LINC00632: variants seen among roughly 807,000 people sequenced by gnomAD.
The protein encoded by LINC00632 is ALDOA related specific transcript.
intron 2 of LINC00632, among the ~76,000 whole-genome samples, chrX:140,728,252 A>AG (rs1569349727): frequency 1.8e-5 from 2 of 109,810 alleles, no homozygotes; most frequent in Non-Finnish European, 3.8e-5. Context: ...AAAAAAAAAA[A>AG]AAAGAAAGAA....
chrX:140,717,364 T>C (rs1264434582), intron 2 of LINC00632, among the ~76,000 whole-genome samples: 1 of 110,435 alleles, frequency 9.1e-6, no homozygotes, highest in Non-Finnish European at 1.9e-5. Context: ...AAATCTGACT[T>C]ACCGAACACT....
intron 3 of LINC00632, among the ~76,000 whole-genome samples, chrX:140,759,578 C>T (rs1221921018): frequency 9.1e-6 from 1 of 109,522 alleles, no homozygotes; most frequent in Non-Finnish European, 1.9e-5. Flanking sequence ...CCAGGCTGGT[C>T]TCAAACTCCT....
At chrX:140,768,769 T>C (rs1185018697) in intron 3 of LINC00632, among the ~76,000 whole-genome samples, 1 of 100,149 alleles carries the variant, frequency 1.0e-5, no homozygotes, top group East Asian at 2.9e-4. Flanking sequence ...TATAATAAAA[T>C]ATATTATATA....
intron 2 of LINC00632, chrX:140,713,372 C>T (rs1755606434): frequency 3.7e-6 from 1 of 267,602 alleles, no homozygotes; most frequent in Non-Finnish European, 7.1e-6. Context: ...CAGACCTCGG[C>T]TGCTTGCTAG....
At chrX:140,727,596 A>G (rs1930985094) in intron 2 of LINC00632, among the ~76,000 whole-genome samples, 1 of 111,579 alleles carries the variant, frequency 9.0e-6, no homozygotes, top group Non-Finnish European at 1.9e-5. Context: ...CCCGACCGTG[A>G]ACAATTTTAC....
intron 2 of LINC00632, among the ~76,000 whole-genome samples, chrX:140,712,441 C>G (rs1930537344): frequency 1.0e-5 from 1 of 96,689 alleles, no homozygotes; most frequent in Admixed American, 1.2e-4. Flanking sequence ...TTCAGATACT[C>G]AAAGAGTTAA....
chrX:140,723,706 T>C (rs201902259), intron 2 of LINC00632, among the ~76,000 whole-genome samples: 1 of 33 alleles, frequency 0.03, no homozygotes. Context: ...ACATTCCATA[T>C]ACACACACGC....
chrX:140,758,540 A>C (rs1931533237), intron 3 of LINC00632, among the ~76,000 whole-genome samples: 1 of 109,967 alleles, frequency 9.1e-6, no homozygotes, highest in African/African-American at 3.3e-5. Flanking sequence ...TGCCTGGCTA[A>C]TTTTTGTTTT....
chrX:140,736,436 C>CTTTTTTTTTTTTTTTTTTT (rs748293491), intron 3 of LINC00632, among the ~76,000 whole-genome samples: 9 of 50,064 alleles, frequency 1.8e-4, no homozygotes, highest in African/African-American at 5.1e-4. Flanking sequence ...TCTTCTTCTT[C>CTTTTTTTTTTTTTTTTTTT]TTTTTTTTTT....
At chrX:140,723,535 C>T (rs1226200989) in intron 2 of LINC00632, among the ~76,000 whole-genome samples, 1 of 80,161 alleles carries the variant, frequency 1.2e-5, no homozygotes, top group Non-Finnish European at 2.5e-5. Context: ...TCCATACACA[C>T]ACACACATTC....
intron 3 of LINC00632, among the ~76,000 whole-genome samples, chrX:140,741,469 G>A (rs746294255): frequency 2.9e-4 from 32 of 112,065 alleles, no homozygotes; most frequent in Non-Finnish European, 2.6e-4. Context: ...AGGGTTAGAG[G>A]GTTTGGAAGA....
At chrX:140,788,630 C>G (rs1046330758) in exon 5 of LINC00632, among the ~76,000 whole-genome samples, 37 of 108,543 alleles carry the variant, frequency 3.4e-4, no homozygotes, top group Non-Finnish European at 6.3e-4. Context: ...AAAACAAGCT[C>G]AAAATTACAT....
At chrX:140,759,403 C>G (rs1931564585) in intron 3 of LINC00632, among the ~76,000 whole-genome samples, 1 of 107,624 alleles carries the variant, frequency 9.3e-6, no homozygotes, top group Admixed American at 1.0e-4. Context: ...GTTGCCCAGG[C>G]TGGTGTGCAG....
chrX:140,711,571 A>G (rs1930514366), intron 1 of LINC00632: 1 of 290,056 alleles, frequency 3.4e-6, no homozygotes, highest in Non-Finnish European at 6.7e-6. Flanking sequence ...AACTGAAGGA[A>G]TATCTTTCCA....
chrX:140,787,927 T>C (rs1327717489), exon 5 of LINC00632, among the ~76,000 whole-genome samples: 1 of 110,813 alleles, frequency 9.0e-6, no homozygotes, highest in Non-Finnish European at 1.9e-5. Context: ...AATCATGGTA[T>C]ATTTCACGTA....
At chrX:140,778,859 T>G (rs763144013) in exon 5 of LINC00632, among the ~76,000 whole-genome samples, 1 of 111,310 alleles carries the variant, frequency 9.0e-6, no homozygotes, top group Non-Finnish European at 1.9e-5. Flanking sequence ...AGGGCCCAGG[T>G]CATTTGAAAT....
intron 1 of LINC00632, chrX:140,711,620 G>A (rs1022196472): frequency 1.3e-5 from 4 of 313,996 alleles, no homozygotes; most frequent in African/African-American, 1.1e-4. Flanking sequence ...TTTCTCCCTA[G>A]GAAAAATTCG....
chrX:140,773,081 G>A (rs370717575), exon 4 of LINC00632, among the ~76,000 whole-genome samples: 5 of 111,478 alleles, frequency 4.5e-5, no homozygotes, highest in Admixed American at 9.6e-5. Flanking sequence ...CAGGAGAATC[G>A]CTTGAACCTA....
At chrX:140,763,705 T>C (rs1424055785) in intron 3 of LINC00632, among the ~76,000 whole-genome samples, 1 of 111,577 alleles carries the variant, frequency 9.0e-6, no homozygotes, top group African/African-American at 3.3e-5. Flanking sequence ...ACTGGCCTGG[T>C]TGTTTTCCGT....
Sources: gnomAD v4.1 joint callset for allele counts (sites outside exome capture counted in the v4.1 genomes callset) on GRCh38, gnomAD v4.1.1 for gene constraint, MANE v1.5 for transcripts, NCBI Gene and HGNC (gene_info 2026-07-23, HGNC 2026-07-21) for gene names.